Variants in DDX60L observed in about 807,000 individuals in gnomAD.
The protein encoded by DDX60L is probable ATP-dependent RNA helicase DDX60-like.
DDX60L carries 191 observed loss-of-function variants against 211.6 expected under a neutral mutation model. The ratio of observed to expected loss-of-function variants is 0.90; its 90% confidence interval spans 0.80 to 1.02. The LOEUF (loss-of-function observed/expected upper bound fraction) is 1.02, where lower values mean the gene tolerates loss of function less well. DDX60L is among the 50% of genes least tolerant of loss of function. DDX60L has a pLI of 0.00. For synonymous variants in DDX60L, 706 were observed against 694.1 expected (o/e 1.02, Z -0.27); for missense variants, 2,007 against 1,984.1 (o/e 1.01, Z -0.22).
intron 29 of DDX60L, among the ~76,000 whole-genome samples, chr4:168,390,783 T>A (rs1488833221): frequency 1.3e-5 from 2 of 152,030 alleles, no homozygotes; most frequent in Non-Finnish European, 2.9e-5. Flanking sequence ...CTCTGTTATA[T>A]AGCCCTTCTC....
chr4:168,417,548 A>G (rs748488667), intron 19 of DDX60L, among the ~76,000 whole-genome samples: 1 of 152,086 alleles, frequency 6.6e-6, no homozygotes, highest in Non-Finnish European at 1.5e-5. Flanking sequence ...CCATTTTGCT[A>G]TTATCTTGGT....
At chr4:168,386,610 G>A (rs1743930256) in intron 29 of DDX60L, among the ~76,000 whole-genome samples, 1 of 149,524 alleles carries the variant, frequency 6.7e-6, no homozygotes, top group African/African-American at 2.5e-5. Flanking sequence ...AGAAAAGTGA[G>A]CGCAGAGAAC....
At chr4:168,463,562 A>G (rs1757597968) in intron 4 of DDX60L, among the ~76,000 whole-genome samples, 1 of 152,166 alleles carries the variant, frequency 6.6e-6, no homozygotes, top group South Asian at 2.1e-4. Context: ...TACCTACATA[A>G]CAAACCTGCA....
At chr4:168,366,411 TAATA>T (rs934083286) in intron 36 of DDX60L, among the ~76,000 whole-genome samples, 14 of 151,926 alleles carry the variant, frequency 9.2e-5, no homozygotes, top group Non-Finnish European at 1.5e-4. Flanking sequence ...AAAAATTAGA[TAATA>T]AATAAACAAG....
chr4:168,420,678 TAGATAGACAGAC>T (rs1561034887), intron 17 of DDX60L, among the ~76,000 whole-genome samples: 12 of 103,488 alleles, frequency 1.2e-4, no homozygotes, highest in Middle Eastern at 5.4e-3. Context: ...GATAGATAGA[TAGATAGACAGAC>T]AGACAGACAG....
Position 168,457,974 on chromosome 4 carries a change from A to T in DDX60L, c.641T>A (p.Leu214His). ...CCTTATTTCTTCCAAGTGTTGTATG[A>T]GGCTTTTATATGCACTCTGAATCAC... is the stretch of plus-strand genomic sequence containing the variant. ...ETVIQSAYKS[L>H]IQHLEEIRVL... is the part of the protein sequence containing the mutation. The change falls in exon 6 of 38, where the codon CTC (leucine) becomes CAC (histidine). Residue 214 changes from leucine (L) to histidine (H), a missense_variant. By Grantham distance (99) the Leu-to-His change is moderately conservative. Coordinates refer to ENST00000682922, the MANE Select transcript of DDX60L (RefSeq NM_001012967.3). 6.4e-7 allele frequency: 1 copy of T among 1,566,370 alleles called. No individual in the cohort carries two copies. Among genetic ancestry groups the T allele is most frequent in the Non-Finnish European group, 8.7e-7 (1 of 1,153,104 alleles).
At position 168,414,080 on chromosome 4, in the gene DDX60L, C is replaced by G. The variant is rs559601048; in HGVS notation, c.2979+1328G>C. Among the ~76,000 whole-genome samples the G allele has an allele frequency of 2.6e-5, 4 of 152,078 alleles. No individual in the cohort carries two copies. The South Asian group carries it at 8.3e-4, about 32-fold the overall frequency. On this transcript the variant is annotated intron_variant, in intron 22 of 37. Coordinates refer to ENST00000682922, the MANE Select transcript of DDX60L (RefSeq NM_001012967.3). ...CACAGGCCAGAAGAGAGTGGCATGACATAAAGGGCTGAAGGAAAAAATCTT... is the reference window on the plus strand; with the variant it reads ...CACAGGCCAGAAGAGAGTGGCATGAGATAAAGGGCTGAAGGAAAAAATCTT...
chr4:168,384,884 C>A, intron 29 of DDX60L, 72 bp from the exon 30 acceptor site: 1 of 1,407,774 alleles, frequency 7.1e-7, no homozygotes, highest in Middle Eastern at 1.8e-4. Flanking sequence ...AGATTTATGA[C>A]TTTACACTTG....
Position 168,395,763 on chromosome 4 carries a change from G to A in DDX60L, c.3657+196C>T, listed in dbSNP as rs541185497. ...AAAATAAGAGGCTGACATTCACACT[G>A]AGCAAGGAAGAGTCACTTATAGAAC... is the stretch of plus-strand genomic sequence containing the variant. On this transcript the variant is annotated intron_variant, in intron 27 of 37. Transcript: ENST00000682922. The A allele has an allele frequency of 1.5e-5, 8 of 523,542 alleles. 1 individual carries two copies. The highest frequency in any genetic ancestry group is 1.1e-4 in the South Asian group (4 of 36,880). The allele number at this position is 523,542 out of a possible 1,614,324, so 32.4% of individuals were successfully genotyped here.
chr4:168,470,976 G>A (rs928695643), intron 4 of DDX60L: 72 of 161,022 alleles, frequency 4.5e-4, no homozygotes, highest in African/African-American at 1.7e-3. Flanking sequence ...TGGAACAAGA[G>A]TTTGGGTTAC....
intron 7 of DDX60L, 78 bp from the exon 8 acceptor site, chr4:168,453,360 T>G (rs1053421111): frequency 4.2e-6 from 6 of 1,429,846 alleles, no homozygotes; most frequent in Non-Finnish European, 5.7e-6. Flanking sequence ...TCCACGAAGA[T>G]CATATCTTCA....
At chr4:168,445,982 C>T (rs1754725905) in intron 9 of DDX60L, among the ~76,000 whole-genome samples, 1 of 142,274 alleles carries the variant, frequency 7.0e-6, no homozygotes, top group African/African-American at 2.6e-5. Flanking sequence ...GACAGGGATG[C>T]CCTCTCTCAC....
intron 2 of DDX60L, 46 bp from the exon 3 acceptor site, chr4:168,472,570 T>C (rs1299078006): frequency 6.4e-7 from 1 of 1,564,992 alleles, no homozygotes; most frequent in Non-Finnish European, 8.7e-7. Context: ...TTTACACAGC[T>C]ATATAATTTA....
chr4:168,425,388 G>A (rs1316074672), intron 14 of DDX60L, among the ~76,000 whole-genome samples: 1 of 152,216 alleles, frequency 6.6e-6, no homozygotes, highest in Non-Finnish European at 1.5e-5. Context: ...CACGTGAAAA[G>A]GATCTGAGTA....
chr4:168,384,813 C>A lies in DDX60L; in HGVS notation c.3916-1G>T. 2 of 1,611,186 alleles carry A rather than the reference C, an allele frequency of 1.2e-6. No homozygotes were observed. Among genetic ancestry groups the A allele is most frequent in the Non-Finnish European group, 1.7e-6 (2 of 1,178,472 alleles). ...CTCTTCTTCCAGCACGACCAGACAT[C>A]TGGAAGCAGCAAAGAATCACAATGT... On this transcript the variant is annotated splice_acceptor_variant, in intron 29 of 37. Transcript: ENST00000682922. LOFTEE classifies it high-confidence loss of function.
At chr4:168,459,124 C>A (rs1371983322) in intron 5 of DDX60L, among the ~76,000 whole-genome samples, 1 of 151,946 alleles carries the variant, frequency 6.6e-6, no homozygotes, top group African/African-American at 2.4e-5. Flanking sequence ...AAAATAACTT[C>A]TTTTAGGGAA....
At chr4:168,388,852 G>A (rs1179192683) in intron 29 of DDX60L, among the ~76,000 whole-genome samples, 1 of 152,160 alleles carries the variant, frequency 6.6e-6, no homozygotes, top group Admixed American at 6.5e-5. Flanking sequence ...GCAGAATCAA[G>A]GTAATGCTGA....
At chr4:168,363,022 G>A (rs932078292) in intron 36 of DDX60L, among the ~76,000 whole-genome samples, 1 of 152,086 alleles carries the variant, frequency 6.6e-6, no homozygotes, top group African/African-American at 2.4e-5. Context: ...TAACCAAACT[G>A]TCAAAAGTCA....
chr4:168,450,801 A>G (rs760460007), intron 8 of DDX60L, among the ~76,000 whole-genome samples: 5 of 152,090 alleles, frequency 3.3e-5, no homozygotes, highest in African/African-American at 4.8e-5. Context: ...CATCTATTAG[A>G]GAGGCTGAGG....
Sources: allele counts gnomAD v4.1 joint callset (sites outside exome capture counted in the v4.1 genomes callset), GRCh38; gene constraint gnomAD v4.1.1; transcripts MANE v1.5; gene names NCBI Gene and HGNC (gene_info 2026-07-23, HGNC 2026-07-21).